The following BBS9 variants were observed in gnomAD, a reference collection of about 807,000 sequenced individuals.
The protein encoded by BBS9 is protein PTHB1.
Under a neutral mutation model 117.7 loss-of-function variants are expected in BBS9, and 89 were observed. That is an observed-to-expected ratio of 0.76 (90% CI 0.64 to 0.90). BBS9 has a LOEUF of 0.90. Among genes scored for constraint, BBS9 ranks in the 40% least tolerant of loss-of-function variants. The pLI is 0.00. For missense variants in BBS9, 982 were observed against 1,042.2 expected, an observed-to-expected ratio of 0.94 and a Z score of 0.80; for synonymous variants, 379 against 370.9, an observed-to-expected ratio of 1.02 and a Z score of -0.25.
intron 19 of BBS9, among the ~76,000 whole-genome samples, chr7:33,447,528 A>C (rs1300810417): frequency 6.6e-6 from 1 of 152,216 alleles, no homozygotes; most frequent in Non-Finnish European, 1.5e-5. Context: ...TTTAGATCTG[A>C]TTTAATGCTT....
intron 19 of BBS9, among the ~76,000 whole-genome samples, chr7:33,474,162 T>C (rs1841476739): frequency 6.6e-6 from 1 of 152,210 alleles, no homozygotes; most frequent in African/African-American, 2.4e-5. Flanking sequence ...ATTATATTTC[T>C]GCCATGTGGC....
chr7:33,343,468 T>C (rs1399591258), intron 11 of BBS9, among the ~76,000 whole-genome samples: 1 of 152,012 alleles, frequency 6.6e-6, no homozygotes, highest in Non-Finnish European at 1.5e-5. Context: ...AAAAAAAAGT[T>C]TCCCTTCCCT....
chr7:33,131,224 C>T lies in BBS9; in HGVS notation c.-12+1183C>T, dbSNP rs1186302232. On this transcript the variant is annotated intron_variant, in intron 1 of 22. Transcript: ENST00000242067. ...ACCACTACTACCACTGTCTCTCCTA[C>T]TAGCACTGTTTCTACTGTTGGGTTA... Among the ~76,000 whole-genome samples the T allele has an allele frequency of 2.6e-5, 4 of 152,192 alleles. No individual in the cohort carries two copies. The East Asian group carries it at 7.7e-4, about 29-fold the overall frequency.
intron 9 of BBS9, among the ~76,000 whole-genome samples, chr7:33,278,975 C>G (rs773252143): frequency 6.6e-6 from 1 of 152,204 alleles, no homozygotes; most frequent in African/African-American, 2.4e-5. Context: ...AGTTATTACT[C>G]AAATCAATAT....
At chr7:33,402,698 CA>C in intron 19 of BBS9, among the ~76,000 whole-genome samples, 1 of 152,252 alleles carries the variant, frequency 6.6e-6, no homozygotes, top group East Asian at 1.9e-4. Flanking sequence ...TTTATTTCCT[CA>C]ACTTTTATCT....
chr7:33,152,942 A>C (rs567428001), intron 3 of BBS9, 91 bp downstream of exon 3: 75 of 1,389,242 alleles, frequency 5.4e-5, no homozygotes, highest in Non-Finnish European at 7.0e-5. Flanking sequence ...AAGACTATCC[A>C]TGAATTAAAT....
intron 20 of BBS9, among the ~76,000 whole-genome samples, chr7:33,529,346 C>T (rs1054829494): frequency 2.6e-5 from 4 of 152,166 alleles, no homozygotes; most frequent in African/African-American, 7.2e-5. Flanking sequence ...AGGGATCTTG[C>T]AGAAGCTAGG....
intron 9 of BBS9, among the ~76,000 whole-genome samples, chr7:33,285,399 T>C (rs1000025244): frequency 6.6e-6 from 1 of 152,158 alleles, no homozygotes; most frequent in Admixed American, 6.5e-5. Context: ...TTATGGGGGA[T>C]GAAGGAACAG....
At chr7:33,429,770 G>A (rs1834168042) in intron 19 of BBS9, among the ~76,000 whole-genome samples, 1 of 152,124 alleles carries the variant, frequency 6.6e-6, no homozygotes, top group Non-Finnish European at 1.5e-5. Context: ...TAGATACTCT[G>A]TAATTTCAAT....
chr7:33,311,274 A>G (rs1377382836), intron 9 of BBS9, among the ~76,000 whole-genome samples: 1 of 152,174 alleles, frequency 6.6e-6, no homozygotes, highest in African/African-American at 2.4e-5. Flanking sequence ...TGCTGAGGTG[A>G]TCCAGGGGTC....
rs756242209 is a variant in BBS9, at chr7:33,505,638, A to G, written c.2291A>G (p.Gln764Arg). The G allele has an allele frequency of 3.1e-6, 5 of 1,613,234 alleles. No homozygotes were observed. In the East Asian group the frequency reaches 1.1e-4, roughly 36 times the overall value. ...TTTCTGCCGCTACAAGAAGACACTC[A>G]AGAATTGGTAAGGACCTGAAAGCCT... is the stretch of plus-strand genomic sequence containing the variant. ...AAFLPLQEDT[Q>R]ELGWEETVDA... Residue 764 changes from glutamine (Q) to arginine (R), a missense_variant, in exon 20 of 23, where the codon CAA (glutamine) becomes CGA (arginine). Physicochemically the swap from Gln to Arg is conservative, Grantham distance 43. Transcript: ENST00000242067.
chr7:33,310,841 A>C (rs1337705192), intron 9 of BBS9, among the ~76,000 whole-genome samples: 4 of 152,070 alleles, frequency 2.6e-5, no homozygotes, highest in Non-Finnish European at 5.9e-5. Flanking sequence ...TGCTTATTTA[A>C]CCCCCTTCTC....
chr7:33,377,782 G>T (rs892014328), intron 17 of BBS9, among the ~76,000 whole-genome samples: 2 of 151,908 alleles, frequency 1.3e-5, no homozygotes, highest in Non-Finnish European at 2.9e-5. Context: ...TCTTTTTGTG[G>T]TAATTATGAA....
chr7:33,389,581 C>G (rs1315572207), intron 19 of BBS9, among the ~76,000 whole-genome samples: 1 of 149,710 alleles, frequency 6.7e-6, no homozygotes, highest in African/African-American at 2.5e-5. Flanking sequence ...CCCAGCTACT[C>G]GGGAGGCTGA....
At chr7:33,157,289 C>T (rs916075140) in intron 4 of BBS9, among the ~76,000 whole-genome samples, 1 of 152,082 alleles carries the variant, frequency 6.6e-6, no homozygotes, top group African/African-American at 2.4e-5. Flanking sequence ...TATTAGGTGA[C>T]AATTTGTTTA....
At chr7:33,505,866 G>T in intron 20 of BBS9, 1 of 551,152 alleles carries the variant, frequency 1.8e-6, no homozygotes, top group Non-Finnish European at 3.2e-6. Context: ...ATTTTTATGT[G>T]GTCCAGTCTA....
At chr7:33,617,079 G>A (rs73314638) in intron 21 of BBS9, among the ~76,000 whole-genome samples, 4,644 of 151,864 alleles carry the variant, frequency 0.031, 176 homozygotes, top group African/African-American at 0.089. Flanking sequence ...ATTCCATAGT[G>A]TATATATAAA....
At chr7:33,408,315 G>C (rs980698078) in intron 19 of BBS9, among the ~76,000 whole-genome samples, 1 of 152,136 alleles carries the variant, frequency 6.6e-6, no homozygotes, top group African/African-American at 2.4e-5. Flanking sequence ...GGTGGGAGTG[G>C]CCTGATTTTC....
intron 16 of BBS9, among the ~76,000 whole-genome samples, chr7:33,358,547 T>C (rs1458166077): frequency 2.6e-5 from 4 of 151,880 alleles, no homozygotes; most frequent in African/African-American, 9.7e-5. Flanking sequence ...AATATCACAG[T>C]GAACATTTGG....
Sources: allele counts gnomAD v4.1 joint callset (sites outside exome capture counted in the v4.1 genomes callset), GRCh38; gene constraint gnomAD v4.1.1; transcripts MANE v1.5; gene names NCBI Gene and HGNC (gene_info 2026-07-23, HGNC 2026-07-21).